The following OR6J1 variants were observed in gnomAD, a reference collection of about 807,000 sequenced individuals.
The protein encoded by OR6J1 is olfactory receptor family 6 subfamily J member 1.
For synonymous variants in OR6J1, 109 were observed against 70.0 expected (o/e 1.56, Z -2.78); for missense variants, 304 against 166.8 (o/e 1.82, Z -4.53).
chr14:22,641,217 GAAAGAAAGAA>G (rs1382594728), intron 1 of OR6J1, among the ~76,000 whole-genome samples: 3 of 18,550 alleles, frequency 1.6e-4, no homozygotes, highest in African/African-American at 6.0e-4. Context: ...AGATAAGAAA[GAAAGAAAGAA>G]AGAAAGAAAG....
intron 1 of OR6J1, among the ~76,000 whole-genome samples, chr14:22,643,764 C>CACACAGAGAGAG (rs1466950724): frequency 0.017 from 646 of 37,702 alleles, 30 homozygotes; most frequent in East Asian, 0.091. Context: ...CACACACACA[C>CACACAGAGAGAG]AGAGAGAGAG....
rs550364346 is a variant in OR6J1 at position 22,631,347 on chromosome 14, C to T, written c.*2421G>A. On this transcript the variant is annotated 3_prime_UTR_variant, in exon 2 of 2. Transcript: ENST00000540461. ...TACAGACCATAAAAGACGGGCACGC[C>T]CAGGGGGGCCGTCTATAGGACTACA... 6.6e-6 allele frequency: 1 copy of T among 152,124 alleles called. No individual in the cohort carries two copies. The highest frequency in any genetic ancestry group is 1.5e-5 in the Non-Finnish European group (1 of 68,042). 9.4% of individuals were successfully genotyped at this position (152,124 alleles called of 1,614,324 possible). A position where few individuals can be genotyped will look rare whatever the true frequency, so the allele number is the denominator to read the frequency against.
At chr14:22,636,863 G>C (rs2037590986) in intron 1 of OR6J1, among the ~76,000 whole-genome samples, 1 of 117,438 alleles carries the variant, frequency 8.5e-6, no homozygotes, top group Non-Finnish European at 1.7e-5. Flanking sequence ...GAGCGTCTCT[G>C]CTTGGCCACC....
intron 1 of OR6J1, among the ~76,000 whole-genome samples, chr14:22,636,600 G>A (rs1469921411): frequency 8.3e-6 from 1 of 120,656 alleles, no homozygotes; most frequent in Non-Finnish European, 1.6e-5. Context: ...TTTTTTGGTG[G>A]AGACGGGGTT....
chr14:22,642,871 T>C (rs1253001591), intron 1 of OR6J1, among the ~76,000 whole-genome samples: 1 of 152,008 alleles, frequency 6.6e-6, no homozygotes, highest in Non-Finnish European at 1.5e-5. Context: ...GGCATGAAGA[T>C]AGCTCACTGC....
chr14:22,633,621 A>AT lies in OR6J1; in HGVS notation c.*146dup. The AT allele has an allele frequency of 3.4e-6, 2 of 594,590 alleles. No homozygotes were observed. Among genetic ancestry groups the AT allele is most frequent in the Middle Eastern group, 4.4e-4 (1 of 2,250 alleles). The allele number at this position is 594,590 out of a possible 1,614,324, so 36.8% of individuals were successfully genotyped here. On this transcript the variant is annotated 3_prime_UTR_variant, in exon 2 of 2. Transcript: ENST00000540461. The stretch of plus-strand genomic sequence containing the variant: ...TCAGCTGAGAGTACTGAGAGTCAGA[A>AT]TGGCTGGTGACACAGCTGCGGTCAC...
In OR6J1 at chr14:22,637,633, TG is replaced by T. The variant is rs1218739535; in HGVS notation, c.-27-2796del. On this transcript the variant is annotated intron_variant, in intron 1 of 1. Coordinates refer to ENST00000540461, the MANE Select transcript of OR6J1 (RefSeq NM_001348233.2). Reference sequence around the variant, plus strand: ...CCAGCCGCCCCATCCGGGAGGGAGGTGGGGGGGTCAGCCCCCCGCCCGGCCA... The same window carrying T: ...CCAGCCGCCCCATCCGGGAGGGAGGTGGGGGGTCAGCCCCCCGCCCGGCCA... 2.5e-4 allele frequency among the ~76,000 whole-genome samples: 11 copies of T among 44,404 alleles called. No individual in the cohort carries two copies. In the East Asian group the frequency reaches 4.7e-3, roughly 19 times the overall value. The allele number at this position is 44,404 out of a possible 152,430, so 29.1% of individuals were successfully genotyped here.
rs2037554116 is a variant in OR6J1, at chr14:22,632,584, A to G, written c.*1184T>C. 6.6e-6 allele frequency: 1 copy of G among 152,228 alleles called. No individual in the cohort carries two copies. Among genetic ancestry groups the G allele is most frequent in the South Asian group, 2.1e-4 (1 of 4,830 alleles). 9.4% of individuals were successfully genotyped at this position (152,228 alleles called of 1,614,324 possible). On this transcript the variant is annotated 3_prime_UTR_variant, in exon 2 of 2. Transcript: ENST00000540461. ...CCGTCTCAAAACAAAAACAAAACAGATTCTTTCCAGGTGTATGGAGCCAGA... is the reference window on the plus strand; with the variant it reads ...CCGTCTCAAAACAAAAACAAAACAGGTTCTTTCCAGGTGTATGGAGCCAGA...
intron 1 of OR6J1, among the ~76,000 whole-genome samples, chr14:22,642,552 C>CT (rs1464538982): frequency 6.6e-6 from 1 of 151,750 alleles, no homozygotes; most frequent in East Asian, 1.9e-4. Flanking sequence ...GTTGGTCAGG[C>CT]TGGTCTCCAA....
Position 22,638,490 on chromosome 14 carries a change from T to C in OR6J1, c.-27-3652A>G, listed in dbSNP as rs1251875618. On this transcript the variant is annotated intron_variant, in intron 1 of 1. Coordinates refer to ENST00000540461, the MANE Select transcript of OR6J1 (RefSeq NM_001348233.2). Reference sequence around the variant, plus strand: ...AAGAGTCATCACCACTCCCTAATCTTAAGTACCCAGGGACACAAACACTGC... The same window carrying C: ...AAGAGTCATCACCACTCCCTAATCTCAAGTACCCAGGGACACAAACACTGC... 3.5e-4 allele frequency among the ~76,000 whole-genome samples: 31 copies of C among 89,244 alleles called. 2 individuals carry two copies. Among genetic ancestry groups the C allele is most frequent in the Middle Eastern group, 4.1e-3 (1 of 244 alleles). 58.5% of individuals were successfully genotyped at this position (89,244 alleles called of 152,430 possible).
In OR6J1 at chr14:22,634,159, G is replaced by A. The variant is rs116242916; in HGVS notation, c.653C>T (p.Thr218Met). ...CCIVLVAYSY[T>M]YIILTIVRIP... ...GCGCACTATGGTCAAGATGATGTAC[G>A]TATAGGAATAGGCCACGAGGACTAT... Residue 218 changes from threonine to methionine, a missense_variant, in exon 2 of 2, where the codon ACG (threonine) becomes ATG (methionine). By Grantham distance (81) the Thr-to-Met change is moderately conservative (BLOSUM62 -1). Transcript: ENST00000540461. 155 of 703,418 alleles carry A rather than the reference G, an allele frequency of 2.2e-4. No homozygotes were observed. The African/African-American group carries it at 2.3e-3, about 10-fold the overall frequency. 43.6% of individuals were successfully genotyped at this position (703,418 alleles called of 1,614,324 possible).
intron 1 of OR6J1, among the ~76,000 whole-genome samples, chr14:22,638,685 T>TAAAAAAAAAAAAAAAAAA (rs1566396382): frequency 7.2e-6 from 1 of 139,652 alleles, no homozygotes; most frequent in African/African-American, 3.2e-5. Context: ...TAAAAAAAAT[T>TAAAAAAAAAAAAAAAAAA]AAGACACTAG....
chr14:22,644,002 G>A (rs1594904868), intron 1 of OR6J1, 96 bp downstream of exon 1: 1 of 152,210 alleles, frequency 6.6e-6, no homozygotes, highest in African/African-American at 2.4e-5. Context: ...GAAATATTAA[G>A]AAGCTTAATG....
chr14:22,633,783 T>G lies in OR6J1; in HGVS notation c.1029A>C (p.Val343=). Residue 343 remains valine (V), a synonymous_variant, in exon 2 of 2, where the codon GTA becomes GTC. Coordinates refer to ENST00000540461, the MANE Select transcript of OR6J1 (RefSeq NM_001348233.2). ...TCCTCTCTTTCTAACACTGGAGCTT[T>G]ACAGAATAGACACATGGTGGAGAAG... ...ACSSPPCVYS[V]KLQC is the part of the protein sequence containing the mutation. 2.9e-6 allele frequency: 2 copies of G among 688,284 alleles called. No individual in the cohort carries two copies. Among genetic ancestry groups the G allele is most frequent in the Non-Finnish European group, 5.3e-6 (2 of 378,332 alleles). The allele number at this position is 688,284 out of a possible 1,614,324, so 42.6% of individuals were successfully genotyped here.
At position 22,633,303 on chromosome 14, in the gene OR6J1, A is replaced by T. The variant is rs566381831; in HGVS notation, c.*465T>A. The T allele has an allele frequency of 6.3e-6, 1 of 159,504 alleles. No individual in the cohort carries two copies. The highest frequency in any genetic ancestry group is 1.8e-4 in the South Asian group (1 of 5,664). The allele number at this position is 159,504 out of a possible 1,614,324, so 9.9% of individuals were successfully genotyped here. A position where few individuals can be genotyped will look rare whatever the true frequency, so the allele number is the denominator to read the frequency against. ...TAAATAACACAGATGACATGCACCCAACACAATCATTGCAAATGCCCGAAA... is the reference window on the plus strand; with the variant it reads ...TAAATAACACAGATGACATGCACCCTACACAATCATTGCAAATGCCCGAAA... On this transcript the variant is annotated 3_prime_UTR_variant, in exon 2 of 2. Coordinates refer to ENST00000540461, the MANE Select transcript of OR6J1 (RefSeq NM_001348233.2).
intron 1 of OR6J1, among the ~76,000 whole-genome samples, chr14:22,641,915 C>T (rs531056553): frequency 3.3e-5 from 5 of 152,224 alleles, no homozygotes; most frequent in East Asian, 3.9e-4. Flanking sequence ...GGCTTCTATA[C>T]CTAGGAAGGA....
rs2037561084 is a variant in OR6J1, at chr14:22,633,495, T to C, written c.*273A>G. On this transcript the variant is annotated 3_prime_UTR_variant, in exon 2 of 2. Transcript: ENST00000540461. ...ATCCATAAAGAAATGGGGCCAAACA[T>C]GTTAGGACTTTAGGAGGAAATAGGC... The C allele has an allele frequency of 5.1e-6, 2 of 389,816 alleles. No homozygotes were observed. Among genetic ancestry groups the C allele is most frequent in the Admixed American group, 4.2e-5 (1 of 23,958 alleles). The allele number at this position is 389,816 out of a possible 1,614,324, so 24.1% of individuals were successfully genotyped here.
rs186537052 is a variant in OR6J1, at chr14:22,633,752, G to A, written c.*16C>T. 6.5e-4 allele frequency: 428 copies of A among 653,864 alleles called. 3 individuals are homozygous for A. The Admixed American group carries it at 9.3e-3, about 14-fold the overall frequency. The allele number at this position is 653,864 out of a possible 1,614,324, so 40.5% of individuals were successfully genotyped here. ...CTTAGCTAGCTCACTCTTTCACTAA[G>A]GCAGCTCCTCTCTTTCTAACACTGG... On this transcript the variant is annotated 3_prime_UTR_variant, in exon 2 of 2. Transcript: ENST00000540461.
At chr14:22,643,542 C>G (rs1478320130) in intron 1 of OR6J1, among the ~76,000 whole-genome samples, 1 of 152,028 alleles carries the variant, frequency 6.6e-6, no homozygotes, top group Non-Finnish European at 1.5e-5. Context: ...AGCGATCTTC[C>G]TGTCTTAGCA....
Sources: allele counts gnomAD v4.1 joint callset (sites outside exome capture counted in the v4.1 genomes callset), GRCh38; gene constraint gnomAD v4.1.1; transcripts MANE v1.5; gene names NCBI Gene and HGNC (gene_info 2026-07-23, HGNC 2026-07-21).